NUBPL: variants seen among roughly 807,000 people sequenced by gnomAD.
NUBPL encodes NUBP iron-sulfur cluster assembly factor, mitochondrial.
In NUBPL, 31 loss-of-function variants were observed where a neutral mutation model predicts 45.7. The ratio of observed to expected loss-of-function variants is 0.68; its 90% CI spans 0.51 to 0.92. The LOEUF is 0.92. Ranked by LOEUF, NUBPL falls within the 40% of genes least tolerant of loss-of-function variation. NUBPL has a pLI of 0.00. For missense variants in NUBPL, 401 were observed against 398.7 expected (o/e 1.01, Z -0.05); for synonymous variants, 144 against 140.9 (o/e 1.02, Z -0.15).
intron 4 of NUBPL, among the ~76,000 whole-genome samples, chr14:31,636,083 T>A (rs548363515): frequency 2.2e-4 from 33 of 151,626 alleles, no homozygotes; most frequent in Non-Finnish European, 4.9e-4. Flanking sequence ...ACCCTTTATT[T>A]CCTTCTCCTG....
At chr14:31,634,375 A>G (rs1422743988) in intron 4 of NUBPL, among the ~76,000 whole-genome samples, 4 of 150,974 alleles carry the variant, frequency 2.6e-5, no homozygotes, top group South Asian at 2.1e-4. Context: ...TACTGAGAAT[A>G]ATGATTTCCA....
At chr14:31,622,756 T>A (rs2035099355) in intron 4 of NUBPL, among the ~76,000 whole-genome samples, 1 of 152,174 alleles carries the variant, frequency 6.6e-6, no homozygotes, top group South Asian at 2.1e-4. Context: ...TTTCAGAGGA[T>A]GTATGGAAAT....
intron 4 of NUBPL, among the ~76,000 whole-genome samples, chr14:31,619,697 C>T (rs1456207180): frequency 2.0e-5 from 3 of 152,184 alleles, no homozygotes; most frequent in Non-Finnish European, 2.9e-5. Flanking sequence ...CCCGGCCTTT[C>T]TCTCTGGCTG....
chr14:31,807,884 T>G (rs951283992), intron 7 of NUBPL, among the ~76,000 whole-genome samples: 2 of 152,222 alleles, frequency 1.3e-5, no homozygotes, highest in African/African-American at 4.8e-5. Context: ...TAGGGAATCC[T>G]TTCCCCATTT....
intron 4 of NUBPL, among the ~76,000 whole-genome samples, chr14:31,615,046 T>C (rs1188077241): frequency 6.6e-6 from 1 of 152,164 alleles, no homozygotes; most frequent in East Asian, 1.9e-4. Context: ...TCATGTTGAA[T>C]TGTAATCCTC....
At chr14:31,586,115 A>G (rs2033989906) in intron 3 of NUBPL, among the ~76,000 whole-genome samples, 1 of 152,180 alleles carries the variant, frequency 6.6e-6, no homozygotes. Context: ...AAACAACACA[A>G]TTGAGAATAT....
chr14:31,563,792 C>T lies in NUBPL; in HGVS notation c.257-1222C>T, dbSNP rs374663223. Among the ~76,000 whole-genome samples the T allele has an allele frequency of 6.6e-5, 10 of 152,228 alleles. No individual in the cohort carries two copies. In the East Asian group the frequency reaches 1.2e-3, roughly 18 times the overall value. On this transcript the variant is annotated intron_variant, in intron 2 of 10. Coordinates refer to ENST00000281081, the MANE Select transcript of NUBPL (RefSeq NM_025152.3). The stretch of plus-strand genomic sequence containing the variant: ...TGAATTGCCCTCTGAAAGTTTCTGC[C>T]TTAAAGTTGTATTATGTGTAACCTA...
chr14:31,725,086 G>A (rs993131605), intron 6 of NUBPL, among the ~76,000 whole-genome samples: 1 of 152,020 alleles, frequency 6.6e-6, no homozygotes, highest in African/African-American at 2.4e-5. Context: ...TGGAAGTTTA[G>A]GGTAGTAAAA....
chr14:31,699,456 A>G (rs893090372), intron 6 of NUBPL, among the ~76,000 whole-genome samples: 3 of 152,206 alleles, frequency 2.0e-5, no homozygotes, highest in Admixed American at 2.0e-4. Context: ...TACTATTACT[A>G]TTATTTTTAC....
chr14:31,683,731 G>A (rs1440671404), intron 6 of NUBPL, among the ~76,000 whole-genome samples: 1 of 151,856 alleles, frequency 6.6e-6, no homozygotes, highest in Non-Finnish European at 1.5e-5. Context: ...AGTTTAATCT[G>A]GTACTGTTTT....
chr14:31,735,598 A>G (rs918849602), intron 6 of NUBPL, among the ~76,000 whole-genome samples: 4 of 152,028 alleles, frequency 2.6e-5, no homozygotes, highest in Admixed American at 1.3e-4. Context: ...TCACGCCTGT[A>G]ATCCCAGCAC....
intron 6 of NUBPL, among the ~76,000 whole-genome samples, chr14:31,769,352 A>G (rs2038966948): frequency 6.6e-6 from 1 of 152,158 alleles, no homozygotes; most frequent in African/African-American, 2.4e-5. Flanking sequence ...GTCATGATTG[A>G]ATCCCCTCCT....
intron 4 of NUBPL, among the ~76,000 whole-genome samples, chr14:31,668,580 G>T (rs1303896757): frequency 6.6e-6 from 1 of 152,106 alleles, no homozygotes; most frequent in Non-Finnish European, 1.5e-5. Flanking sequence ...GTCACACTGG[G>T]GTTCCAGGTG....
In NUBPL at chr14:31,789,863, T is replaced by G. The variant is rs775302018; in HGVS notation, c.607+1990T>G. ...TGTAAAATATGAGATGGGAGTAAAA[T>G]GATATATGAAAATAATTCATTTTTT... On this transcript the variant is annotated intron_variant, in intron 7 of 10. Transcript: ENST00000281081. Among the ~76,000 whole-genome samples, 14 of 152,032 alleles carry G rather than the reference T, an allele frequency of 9.2e-5. No homozygotes were observed. In the South Asian group the frequency reaches 2.7e-3, roughly 29 times the overall value.
chr14:31,852,852 C>T (rs77373723), intron 10 of NUBPL, among the ~76,000 whole-genome samples: 14,950 of 152,080 alleles, frequency 0.098, 936 homozygotes, highest in Non-Finnish European at 0.14. Flanking sequence ...CCCTTTCCCC[C>T]GTGAACTCAA....
chr14:31,725,263 T>C (rs965633223), intron 6 of NUBPL, among the ~76,000 whole-genome samples: 4 of 152,168 alleles, frequency 2.6e-5, no homozygotes, highest in African/African-American at 9.7e-5. Flanking sequence ...CTCCATTTTT[T>C]GGTTAAAACA....
In NUBPL at chr14:31,671,962, G is replaced by A. The variant is rs117949196; in HGVS notation, c.383-1393G>A. ...TTTATGACTTTGTCCTAGACTTTTT[G>A]CCCAATACTTGTCCAAATCATATTT... is the stretch of plus-strand genomic sequence containing the variant. On this transcript the variant is annotated intron_variant, in intron 4 of 10. Transcript: ENST00000281081. Among the ~76,000 whole-genome samples, 429 of 152,246 alleles carry A rather than the reference G, an allele frequency of 2.8e-3. 2 individuals carry two copies. Among genetic ancestry groups the A allele is most frequent in the Non-Finnish European group, 4.7e-3 (323 of 68,006 alleles).
At chr14:31,614,886 A>C (rs1336839048) in intron 4 of NUBPL, among the ~76,000 whole-genome samples, 1 of 152,192 alleles carries the variant, frequency 6.6e-6, no homozygotes, top group African/African-American at 2.4e-5. Context: ...ATGGTAACTA[A>C]ATGAAACTGG....
intron 6 of NUBPL, among the ~76,000 whole-genome samples, chr14:31,766,215 G>A (rs12590836): frequency 0.37 from 55,977 of 152,042 alleles, 12,669 homozygotes; most frequent in East Asian, 0.6. Context: ...TTTATGAGGA[G>A]ACCAATTTTA....
Sources: gnomAD v4.1 joint callset for allele counts (sites outside exome capture counted in the v4.1 genomes callset) on GRCh38, gnomAD v4.1.1 for gene constraint, MANE v1.5 for transcripts, NCBI Gene and HGNC (gene_info 2026-07-23, HGNC 2026-07-21) for gene names.